Variants in PTPN5 observed in about 807,000 individuals in gnomAD.
PTPN5 encodes tyrosine-protein phosphatase non-receptor type 5.
In PTPN5, 29 loss-of-function variants were observed where a neutral mutation model predicts 73.9. The ratio of observed to expected loss-of-function variants is 0.39; its 90% confidence interval spans 0.29 to 0.54. The LOEUF (loss-of-function observed/expected upper bound fraction) is 0.54. Ranked by LOEUF, PTPN5 falls within the 20% of genes least tolerant of loss-of-function variation. The pLI is 0.65. For synonymous variants in PTPN5, 267 were observed against 304.7 expected (o/e 0.88, Z 1.29); for missense variants, 652 against 751.4 (o/e 0.87, Z 1.55).
At chr11:18,737,729 G>T in intron 9 of PTPN5, 151 bp downstream of exon 9, 1 of 679,026 alleles carries the variant, frequency 1.5e-6, no homozygotes, top group Admixed American at 2.4e-5. Flanking sequence ...CCAGGGCAGC[G>T]CTTCCCTTCA....
At chr11:18,789,059 CA>C (rs1188996215) in intron 1 of PTPN5, among the ~76,000 whole-genome samples, 2 of 152,068 alleles carry the variant, frequency 1.3e-5, no homozygotes, top group African/African-American at 4.8e-5. Context: ...AGGAATAGGT[CA>C]GGGGGAAAGG....
chr11:18,766,187 A>C (rs1850638597), intron 2 of PTPN5, among the ~76,000 whole-genome samples: 1 of 152,226 alleles, frequency 6.6e-6, no homozygotes, highest in Non-Finnish European at 1.5e-5. Context: ...AGCACTTTGC[A>C]AACTTTATCA....
intron 1 of PTPN5, among the ~76,000 whole-genome samples, chr11:18,781,543 C>T (rs909643495): frequency 1.3e-5 from 2 of 152,022 alleles, no homozygotes; most frequent in East Asian, 3.9e-4. Flanking sequence ...TGGTGTCAAA[C>T]TCCTGACCTC....
intron 9 of PTPN5, among the ~76,000 whole-genome samples, chr11:18,736,832 T>C (rs777885572): frequency 2.6e-5 from 4 of 152,150 alleles, no homozygotes; most frequent in Non-Finnish European, 4.4e-5. Context: ...TCCAAGGTTC[T>C]AGGATACTCG....
At chr11:18,730,550 T>A (rs1409651341) in intron 12 of PTPN5, 1 of 152,198 alleles carries the variant, frequency 6.6e-6, no homozygotes, top group Non-Finnish European at 1.5e-5. Flanking sequence ...CCCTCACGAA[T>A]GGGATCAGTG....
chr11:18,765,542 G>A (rs1227285598), intron 3 of PTPN5, among the ~76,000 whole-genome samples: 1 of 152,100 alleles, frequency 6.6e-6, no homozygotes, highest in Non-Finnish European at 1.5e-5. Context: ...TCAGCTCTTC[G>A]TCCTTCTTTT....
intron 1 of PTPN5, among the ~76,000 whole-genome samples, chr11:18,786,897 T>C (rs1380756754): frequency 2.0e-5 from 3 of 152,234 alleles, no homozygotes; most frequent in Non-Finnish European, 4.4e-5. Flanking sequence ...TGATAGCATC[T>C]TGTCCTGCAA....
At chr11:18,767,811 G>C (rs1850705254) in intron 2 of PTPN5, among the ~76,000 whole-genome samples, 1 of 152,188 alleles carries the variant, frequency 6.6e-6, no homozygotes, top group South Asian at 2.1e-4. Context: ...ATAGTTCATA[G>C]ATGTTGGGTG....
chr11:18,749,558 G>A (rs1590537787), intron 3 of PTPN5: 1 of 515,970 alleles, frequency 1.9e-6, no homozygotes, highest in East Asian at 5.5e-5. Flanking sequence ...CTGGTCCCCA[G>A]CTGATGAAGC....
rs1590550392 is a variant in PTPN5, at chr11:18,754,599, ACT to A, written c.98-10402_98-10401del. On this transcript the variant is annotated intron_variant, in intron 3 of 14. Transcript: ENST00000358540. ...GGTGGTGACTCAACTCAGAGGGCCCACTCTCTCACCAGCTATCACTCTTGCTT... is the reference window on the plus strand; with the variant it reads ...GGTGGTGACTCAACTCAGAGGGCCCACTCTCACCAGCTATCACTCTTGCTT... 6.6e-5 allele frequency among the ~76,000 whole-genome samples: 10 copies of A among 152,080 alleles called. No homozygotes were observed. In the East Asian group the frequency reaches 1.9e-3, roughly 29 times the overall value.
Position 18,746,192 on chromosome 11 carries a change from T to TATATATATATATATATATATAC in PTPN5, c.98-1994_98-1993insGTATATATATATATATATATAT, listed in dbSNP as rs550537453. Among the ~76,000 whole-genome samples, 93 of 102,786 alleles carry TATATATATATATATATATATAC rather than the reference T, an allele frequency of 9.0e-4. 6 individuals are homozygous for TATATATATATATATATATATAC. Among genetic ancestry groups the TATATATATATATATATATATAC allele is most frequent in the Non-Finnish European group, 1.4e-3 (69 of 48,482 alleles). 67.4% of individuals were successfully genotyped at this position (102,786 alleles called of 152,430 possible). A position where few individuals can be genotyped will look rare whatever the true frequency, so the allele number is the denominator to read the frequency against. Reference sequence around the variant, plus strand: ...ATATATATATATATATATATATATATACATTTTTTTTTTTTTTGAGATGGA... The same window carrying TATATATATATATATATATATAC: ...ATATATATATATATATATATATATATATATATATATATATATATATACACATTTTTTTTTTTTTTGAGATGGA... On this transcript the variant is annotated intron_variant, in intron 3 of 14. Coordinates refer to ENST00000358540, the MANE Select transcript of PTPN5 (RefSeq NM_006906.2).
intron 3 of PTPN5, among the ~76,000 whole-genome samples, chr11:18,764,774 G>A (rs964872420): frequency 1.1e-4 from 16 of 152,072 alleles, no homozygotes; most frequent in South Asian, 2.1e-4. Flanking sequence ...GTGCAGTGGC[G>A]CGATCTCGGC....
At chr11:18,759,249 A>G (rs1850284633) in intron 3 of PTPN5, among the ~76,000 whole-genome samples, 1 of 152,246 alleles carries the variant, frequency 6.6e-6, no homozygotes, top group Admixed American at 6.5e-5. Flanking sequence ...TATCATTTAT[A>G]GAGCACTCTG....
chr11:18,738,470 C>G (rs1030547366), intron 8 of PTPN5, among the ~76,000 whole-genome samples: 13 of 152,228 alleles, frequency 8.5e-5, no homozygotes, highest in Non-Finnish European at 1.9e-4. Context: ...CAACCACTGT[C>G]TGTGTCCAGA....
At position 18,740,852 on chromosome 11, in the gene PTPN5, G is replaced by C. The variant is rs754948595; in HGVS notation, c.726-60C>G. 647 of 1,203,962 alleles carry C rather than the reference G, an allele frequency of 5.4e-4. 4 individuals carry two copies. Among genetic ancestry groups the C allele is most frequent in the Middle Eastern group, 3.8e-3 (14 of 3,654 alleles). The allele number at this position is 1,203,962 out of a possible 1,614,324, so 74.6% of individuals were successfully genotyped here. On this transcript the variant is annotated intron_variant, in intron 7 of 14. Coordinates refer to ENST00000358540, the MANE Select transcript of PTPN5 (RefSeq NM_006906.2). Reference sequence around the variant, plus strand: ...GGGCAGAGGGACGGGCATGAGCTGGGGTCTCCAGGGCTGGGAAAATGAGGG... The same window carrying C: ...GGGCAGAGGGACGGGCATGAGCTGGCGTCTCCAGGGCTGGGAAAATGAGGG...
At chr11:18,782,332 A>T (rs1458062989) in intron 1 of PTPN5, among the ~76,000 whole-genome samples, 1 of 151,436 alleles carries the variant, frequency 6.6e-6, no homozygotes, top group South Asian at 2.1e-4. Flanking sequence ...GGTTCCAGGG[A>T]TTCTCCTGCC....
At chr11:18,765,088 T>C (rs1850581943) in intron 3 of PTPN5, among the ~76,000 whole-genome samples, 1 of 152,212 alleles carries the variant, frequency 6.6e-6, no homozygotes, top group Non-Finnish European at 1.5e-5. Context: ...ATTATGGCGA[T>C]TTTTCTTTTT....
rs566811839 is a variant in PTPN5 at position 18,765,893 on chromosome 11, G to A, written c.21-10C>T. On this transcript the variant is annotated splice_polypyrimidine_tract_variant and intron_variant, in intron 2 of 14. Transcript: ENST00000358540. ...GTTCTCTCTCTCACTCCTGCAGCAG[G>A]ATGGAAAAGGTAAGAATATGCTGTT... 241 of 1,560,014 alleles carry A rather than the reference G, an allele frequency of 1.5e-4. No individual in the cohort carries two copies. In the South Asian group the frequency reaches 2.6e-3, roughly 17 times the overall value.
intron 12 of PTPN5, among the ~76,000 whole-genome samples, chr11:18,731,539 C>CAG (rs1040077803): frequency 1.3e-4 from 20 of 152,208 alleles, no homozygotes; most frequent in African/African-American, 4.6e-4. Flanking sequence ...AGCCCTGCCT[C>CAG]ATCTCAGCCT....
Sources: gnomAD v4.1 joint callset for allele counts (sites outside exome capture counted in the v4.1 genomes callset) on GRCh38, gnomAD v4.1.1 for gene constraint, MANE v1.5 for transcripts, NCBI Gene and HGNC (gene_info 2026-07-23, HGNC 2026-07-21) for gene names.